The following SMG9 variants were observed in gnomAD, a reference collection of about 807,000 sequenced individuals.
The protein encoded by SMG9 is nonsense-mediated mRNA decay factor SMG9.
SMG9 carries 55 observed loss-of-function variants against 64.0 expected under a neutral mutation model. The observed-to-expected ratio is 0.86, with a 90% CI of 0.69 to 1.08. The LOEUF (loss-of-function observed/expected upper bound fraction) is 1.08. Among genes scored for constraint, SMG9 ranks in the 50% least tolerant of loss-of-function variants. The probability of loss-of-function intolerance (pLI) is 0.00; values close to 1 mark genes in which losing one functional copy is unlikely to be tolerated. For synonymous variants in SMG9, 244 were observed against 254.8 expected, an observed-to-expected ratio of 0.96 and a Z score of 0.41; for missense variants, 554 against 681.3, an observed-to-expected ratio of 0.81 and a Z score of 2.08.
At chr19:43,733,289 T>C (rs749528171) in intron 12 of SMG9, 35 bp downstream of exon 12, 4 of 1,610,818 alleles carry the variant, frequency 2.5e-6, no homozygotes, top group Admixed American at 1.7e-5. Context: ...AGGATAGGAC[T>C]TGTCTCTCCA....
chr19:43,732,355 C>T (rs186865809), intron 13 of SMG9: 18 of 166,134 alleles, frequency 1.1e-4, no homozygotes, highest in South Asian at 4.3e-4. Context: ...GAGCTAGTGC[C>T]GGGCCAAGTG....
intron 6 of SMG9, among the ~76,000 whole-genome samples, chr19:43,744,543 C>G (rs1217948826): frequency 6.6e-6 from 1 of 151,468 alleles, no homozygotes; most frequent in Non-Finnish European, 1.5e-5. Flanking sequence ...TTCCTGAGGC[C>G]AGGCAGGAAG....
At chr19:43,740,000 G>C (rs1170388757) in intron 7 of SMG9, 107 bp downstream of exon 7, 7 of 836,844 alleles carry the variant, frequency 8.4e-6, no homozygotes, top group East Asian at 7.4e-5. Flanking sequence ...TCCATGGCTT[G>C]ACTGGAAGCA....
intron 10 of SMG9, 65 bp downstream of exon 10, chr19:43,734,324 C>T: frequency 7.7e-7 from 1 of 1,302,072 alleles, no homozygotes; most frequent in African/African-American, 1.5e-5. Context: ...CTCCAGCGTG[C>T]TCCTGACTTT....
At chr19:43,735,634 A>AAAAC (rs1968640010) in intron 9 of SMG9, among the ~76,000 whole-genome samples, 3 of 149,884 alleles carry the variant, frequency 2.0e-5, no homozygotes, top group Non-Finnish European at 3.0e-5. Flanking sequence ...AAAAAAAAAA[A>AAAAC]AAAAATCTGT....
Position 43,742,200 on chromosome 19 carries a change from T to C in SMG9, c.702-1982A>G, listed in dbSNP as rs1038114497. 1.3e-4 allele frequency among the ~76,000 whole-genome samples: 20 copies of C among 152,140 alleles called. No individual in the cohort carries two copies. The Middle Eastern group carries it at 0.01, about 78-fold the overall frequency. The stretch of plus-strand genomic sequence containing the variant: ...GCATGGTGGTACACAAATGTAGTCC[T>C]AGCTACTCAGAAGGCTGGGGTCAAA... On this transcript the variant is annotated intron_variant, in intron 6 of 13. Transcript: ENST00000270066.
chr19:43,740,395 A>C (rs1968812830), intron 6 of SMG9, among the ~76,000 whole-genome samples, 177 bp from the exon 7 acceptor site: 1 of 152,090 alleles, frequency 6.6e-6, no homozygotes, highest in African/African-American at 2.4e-5. Flanking sequence ...GTTTTGAAGC[A>C]CACAATTTCA....
chr19:43,751,300 A>G (rs1430700328), intron 1 of SMG9, among the ~76,000 whole-genome samples: 1 of 133,510 alleles, frequency 7.5e-6, no homozygotes, highest in Non-Finnish European at 1.6e-5. Context: ...CACCCGACTA[A>G]TTTTTTTTGT....
intron 5 of SMG9, among the ~76,000 whole-genome samples, chr19:43,747,236 A>G (rs1969042804): frequency 6.6e-6 from 1 of 152,128 alleles, no homozygotes; most frequent in African/African-American, 2.4e-5. Context: ...AATCGGTACC[A>G]AAGGAGTTCT....
At chr19:43,748,819 G>A in intron 2 of SMG9, 1 of 519,970 alleles carries the variant, frequency 1.9e-6, no homozygotes, top group African/African-American at 1.9e-5. Context: ...CTTAAACCCT[G>A]CTCACTTCAC....
intron 2 of SMG9, among the ~76,000 whole-genome samples, chr19:43,749,571 G>C (rs1415450609): frequency 6.6e-6 from 1 of 152,210 alleles, no homozygotes; most frequent in Non-Finnish European, 1.5e-5. Context: ...GCAAGTAAGA[G>C]CCCAGCTCAC....
intron 9 of SMG9, chr19:43,734,793 C>T (rs1319971213): frequency 7.6e-6 from 2 of 263,908 alleles, no homozygotes; most frequent in Non-Finnish European, 1.4e-5. Flanking sequence ...GTAGCGTTCC[C>T]ACACAACCCC....
At chr19:43,744,384 T>A (rs1968935040) in intron 6 of SMG9, among the ~76,000 whole-genome samples, 1 of 152,174 alleles carries the variant, frequency 6.6e-6, no homozygotes, top group Non-Finnish European at 1.5e-5. Flanking sequence ...TATTTTATTC[T>A]CCAAAAATCT....
chr19:43,746,031 C>G (rs544884983), intron 5 of SMG9, among the ~76,000 whole-genome samples: 2 of 149,730 alleles, frequency 1.3e-5, no homozygotes, highest in East Asian at 3.9e-4. Flanking sequence ...CAACTATCTG[C>G]GCGTGATGTC....
intron 1 of SMG9, among the ~76,000 whole-genome samples, chr19:43,752,131 C>G (rs2146414159): frequency 6.6e-6 from 1 of 152,310 alleles, no homozygotes; most frequent in East Asian, 1.9e-4. Context: ...CTATTTTCAC[C>G]TGGTATCCCA....
At chr19:43,745,019 C>T in intron 5 of SMG9, 135 bp from the exon 6 acceptor site, 2 of 580,612 alleles carry the variant, frequency 3.4e-6, no homozygotes, top group Admixed American at 3.2e-5. Context: ...TAGTCCCAAC[C>T]CCTTCAACTA....
chr19:43,740,581 C>T (rs1040781381), intron 6 of SMG9, among the ~76,000 whole-genome samples: 4 of 152,074 alleles, frequency 2.6e-5, no homozygotes, highest in African/African-American at 9.7e-5. Context: ...ATCTATAAAA[C>T]GGGGATAACC....
At chr19:43,733,892 C>T (rs555466640) in intron 10 of SMG9, 159 bp from the exon 11 acceptor site, 207 of 618,014 alleles carry the variant, frequency 3.3e-4, no homozygotes, top group Non-Finnish European at 4.4e-4. Flanking sequence ...CTGTGTAGGG[C>T]AATGCTGGGG....
At chr19:43,738,096 T>C (rs779621918) in intron 8 of SMG9, 26 bp downstream of exon 8, 1 of 1,605,026 alleles carries the variant, frequency 6.2e-7, no homozygotes, top group South Asian at 1.1e-5. Flanking sequence ...AAAACCTCAG[T>C]CCTGGGCCTG....
Sources: gnomAD v4.1 joint callset for allele counts (sites outside exome capture counted in the v4.1 genomes callset) on GRCh38, gnomAD v4.1.1 for gene constraint, MANE v1.5 for transcripts, NCBI Gene and HGNC (gene_info 2026-07-23, HGNC 2026-07-21) for gene names.